ALX4: variants seen among roughly 807,000 people sequenced by gnomAD.
ALX4 encodes the protein homeobox protein aristaless-like 4.
ALX4 carries 22 observed loss-of-function variants against 40.6 expected under a neutral mutation model. That is an observed-to-expected ratio of 0.54 (90% CI 0.39 to 0.77). ALX4 has a LOEUF of 0.77. Ranked by LOEUF, ALX4 falls within the 30% of genes least tolerant of loss-of-function variation. The probability of loss-of-function intolerance (pLI) is 0.00; values close to 1 mark genes in which losing one functional copy is unlikely to be tolerated. For missense variants in ALX4, 556 were observed against 564.8 expected, an observed-to-expected ratio of 0.98 and a Z score of 0.16; for synonymous variants, 266 against 240.5, an observed-to-expected ratio of 1.11 and a Z score of -0.98.
At chr11:44,296,972 T>A (rs561231693) in intron 1 of ALX4, among the ~76,000 whole-genome samples, 1 of 145,952 alleles carries the variant, frequency 6.9e-6, no homozygotes, top group Non-Finnish European at 1.5e-5. Context: ...TTGCACCATT[T>A]CATTCCAGCC....
intron 2 of ALX4, among the ~76,000 whole-genome samples, chr11:44,273,352 A>G (rs999586545): frequency 6.6e-6 from 1 of 152,160 alleles, no homozygotes; most frequent in Non-Finnish European, 1.5e-5. Flanking sequence ...TTTGTGTTAA[A>G]TTGAAACTTA....
At chr11:44,299,164 C>T (rs1371466031) in intron 1 of ALX4, among the ~76,000 whole-genome samples, 2 of 152,152 alleles carry the variant, frequency 1.3e-5, no homozygotes, top group African/African-American at 4.8e-5. Context: ...AGTCATTCCT[C>T]ATACCAGCTA....
At chr11:44,277,444 A>G (rs1956284305) in intron 1 of ALX4, among the ~76,000 whole-genome samples, 1 of 152,212 alleles carries the variant, frequency 6.6e-6, no homozygotes, top group African/African-American at 2.4e-5. Context: ...AACACAATTA[A>G]TAAGACGTTT....
At position 44,309,701 on chromosome 11, in the gene ALX4, T is replaced by C; in HGVS notation, c.362A>G (p.His121Arg). Reference protein sequence around the residue: ...QPQPQPPAQPHLYLQRGACKT... With the variant: ...QPQPQPPAQPRLYLQRGACKT... ...GCAGGCGCCTCGCTGCAAGTAAAGATGCGGTTGCGCGGGCGGCTGGGGCTG... is the reference window on the plus strand; with the variant it reads ...GCAGGCGCCTCGCTGCAAGTAAAGACGCGGTTGCGCGGGCGGCTGGGGCTG... Residue 121 changes from histidine (H) to arginine (R), a missense_variant, in exon 1 of 4, where the codon CAT becomes CGT. His to Arg is a conservative substitution (Grantham distance 29). Coordinates refer to ENST00000652299, the MANE Select transcript of ALX4 (RefSeq NM_021926.4). The C allele has an allele frequency of 2.5e-6, 4 of 1,586,564 alleles. No homozygotes were observed. The highest frequency in any genetic ancestry group is 3.4e-6 in the Non-Finnish European group (4 of 1,169,064).
chr11:44,267,954 C>G (rs1395076565), intron 2 of ALX4, among the ~76,000 whole-genome samples: 1 of 152,226 alleles, frequency 6.6e-6, no homozygotes, highest in Non-Finnish European at 1.5e-5. Flanking sequence ...GTCATCTAAG[C>G]AGACTCCTGT....
chr11:44,301,464 G>T (rs770512080), intron 1 of ALX4, among the ~76,000 whole-genome samples: 27 of 152,176 alleles, frequency 1.8e-4, no homozygotes, highest in Non-Finnish European at 3.2e-4. Flanking sequence ...CAGCCTGGTG[G>T]GGCTGCATTA....
intron 1 of ALX4, among the ~76,000 whole-genome samples, chr11:44,282,713 C>T (rs1462598037): frequency 3.3e-5 from 5 of 152,144 alleles, no homozygotes; most frequent in African/African-American, 1.2e-4. Context: ...GTAAACAAAG[C>T]CAGTCTCAAA....
chr11:44,302,624 T>C (rs1956441087), intron 1 of ALX4, among the ~76,000 whole-genome samples: 1 of 152,186 alleles, frequency 6.6e-6, no homozygotes, highest in African/African-American at 2.4e-5. Flanking sequence ...ACAGGGGCCA[T>C]GAGCCCGGGG....
rs761250433 is a variant in ALX4, at chr11:44,309,712, G to T, written c.351C>A (p.Pro117=). 1 of 1,572,916 alleles carries T rather than the reference G, an allele frequency of 6.4e-7. No homozygotes were observed. The highest frequency in any genetic ancestry group is 1.2e-5 in the South Asian group (1 of 86,710). ...GCTGCAAGTAAAGATGCGGTTGCGC[G>T]GGCGGCTGGGGCTGCGGCTGCTGCT... is the stretch of plus-strand genomic sequence containing the variant. ...PQQQQPQPQP[P]AQPHLYLQRG... is the part of the protein sequence containing the mutation. The change falls in exon 1 of 4, where the codon CCC becomes CCA. Residue 117 remains proline (P), a synonymous_variant. Transcript: ENST00000652299.
chr11:44,293,662 C>T (rs1956386594), intron 1 of ALX4, among the ~76,000 whole-genome samples: 1 of 152,246 alleles, frequency 6.6e-6, no homozygotes, highest in African/African-American at 2.4e-5. Flanking sequence ...AGCTTGGGCA[C>T]ATACATTCCC....
chr11:44,268,011 T>C (rs1249860969), intron 2 of ALX4, among the ~76,000 whole-genome samples: 1 of 152,228 alleles, frequency 6.6e-6, no homozygotes, highest in African/African-American at 2.4e-5. Flanking sequence ...TGTGTTCTCC[T>C]AGACAATCAC....
At chr11:44,296,231 T>C (rs1460322333) in intron 1 of ALX4, among the ~76,000 whole-genome samples, 2 of 152,212 alleles carry the variant, frequency 1.3e-5, no homozygotes, top group Non-Finnish European at 2.9e-5. Context: ...TTTCTACAAA[T>C]GGTGCTGGGA....
intron 1 of ALX4, among the ~76,000 whole-genome samples, chr11:44,295,103 G>A (rs59928116): frequency 0.08 from 12,086 of 152,008 alleles, 777 homozygotes; most frequent in African/African-American, 0.18. Flanking sequence ...CACCTGCCTC[G>A]GCCTCCCAAA....
At position 44,275,585 on chromosome 11, in the gene ALX4, C is replaced by T. The variant is rs1956273165; in HGVS notation, c.540G>A (p.Leu180=). 1 of 1,614,084 alleles carries T rather than the reference C, an allele frequency of 6.2e-7. No individual in the cohort carries two copies. The highest frequency in any genetic ancestry group is 1.1e-5 in the South Asian group (1 of 91,072). Residue 180 remains leucine (L), a synonymous_variant, in exon 2 of 4, where the codon CTG becomes CTA. Transcript: ENST00000652299. ...SDTVGMDSSY[L]SVKEAGVKGP... Reference sequence around the variant, plus strand: ...CCTTCACCCCAGCCTCCTTGACACTCAGGTAGCTGCTGTCCATCCCCACAG... The same window carrying T: ...CCTTCACCCCAGCCTCCTTGACACTTAGGTAGCTGCTGTCCATCCCCACAG...
intron 3 of ALX4, among the ~76,000 whole-genome samples, chr11:44,267,062 C>G (rs376368776): frequency 8.5e-5 from 13 of 152,192 alleles, no homozygotes; most frequent in East Asian, 7.7e-4. Flanking sequence ...AGACCTGGAG[C>G]TGGAAAGATA....
rs1956185053 is a variant in ALX4, at chr11:44,261,970, G to A, written c.*2884C>T. 1 of 152,296 alleles carries A rather than the reference G, an allele frequency of 6.6e-6. No homozygotes were observed. The allele number at this position is 152,296 out of a possible 1,614,324, so 9.4% of individuals were successfully genotyped here. ...TGGCCCCCTGCTCTGCAGTGCAGAA[G>A]GTTGGGCCTAGCCACCTGTCTTGGA... On this transcript the variant is annotated 3_prime_UTR_variant, in exon 4 of 4. Transcript: ENST00000652299.
intron 1 of ALX4, among the ~76,000 whole-genome samples, chr11:44,279,483 A>G (rs947985545): frequency 1.3e-5 from 2 of 152,294 alleles, no homozygotes; most frequent in African/African-American, 4.8e-5. Flanking sequence ...CTGGAGTGTC[A>G]GCATGGTAGC....
chr11:44,299,363 T>G (rs578110014), intron 1 of ALX4, among the ~76,000 whole-genome samples: 3 of 146,452 alleles, frequency 2.0e-5, no homozygotes, highest in East Asian at 2.0e-4. Context: ...GGTTTTTTTT[T>G]TTTTTTTTTT....
At chr11:44,304,553 C>T (rs1158285332) in intron 1 of ALX4, among the ~76,000 whole-genome samples, 1 of 152,208 alleles carries the variant, frequency 6.6e-6, no homozygotes, top group Admixed American at 6.5e-5. Flanking sequence ...CAACTATCCC[C>T]CTCCTCTCCT....
Sources: gnomAD v4.1 joint callset for allele counts (sites outside exome capture counted in the v4.1 genomes callset) on GRCh38, gnomAD v4.1.1 for gene constraint, MANE v1.5 for transcripts, NCBI Gene and HGNC (gene_info 2026-07-23, HGNC 2026-07-21) for gene names.